Variants in GFPT2 observed in about 807,000 individuals in gnomAD.
The protein encoded by GFPT2 is glutamine--fructose-6-phosphate aminotransferase [isomerizing] 2.
GFPT2 carries 62 observed loss-of-function variants against 85.6 expected under a neutral mutation model. That is an observed-to-expected ratio of 0.72 (90% CI 0.59 to 0.90). The LOEUF (loss-of-function observed/expected upper bound fraction) is 0.90, where lower values mean the gene tolerates loss of function less well. Among genes scored for constraint, GFPT2 ranks in the 40% least tolerant of loss-of-function variants. GFPT2 has a pLI of 0.00. For missense variants in GFPT2, 788 were observed against 893.4 expected (o/e 0.88, Z 1.50); for synonymous variants, 368 against 344.5 (o/e 1.07, Z -0.75).
At chr5:180,326,689 A>G (rs1186562411) in intron 7 of GFPT2, among the ~76,000 whole-genome samples, 1 of 152,186 alleles carries the variant, frequency 6.6e-6, no homozygotes, top group East Asian at 1.9e-4. Flanking sequence ...AATAGTTTAT[A>G]ATAATGGCAG....
At chr5:180,314,194 G>A (rs1763958589) in intron 13 of GFPT2, among the ~76,000 whole-genome samples, 1 of 152,144 alleles carries the variant, frequency 6.6e-6, no homozygotes, top group African/African-American at 2.4e-5. Flanking sequence ...TGACAACCCC[G>A]TGAGGACCAT....
intron 1 of GFPT2, among the ~76,000 whole-genome samples, chr5:180,351,029 G>C (rs949779462): frequency 2.0e-5 from 3 of 152,212 alleles, no homozygotes; most frequent in South Asian, 4.1e-4. Context: ...GTTCTTTCTA[G>C]GAGCATCTTC....
rs76638498 is a variant in GFPT2 at position 180,343,559 on chromosome 5, T to C, written c.8-4959A>G. Reference sequence around the variant, plus strand: ...TGCGTAGTGACATCCCTTCGGTCACTTCTTTCATGAAGGAAGCTCTGTTTC... The same window carrying C: ...TGCGTAGTGACATCCCTTCGGTCACCTCTTTCATGAAGGAAGCTCTGTTTC... On this transcript the variant is annotated intron_variant, in intron 1 of 18. Transcript: ENST00000253778. 4.0e-3 allele frequency among the ~76,000 whole-genome samples: 603 copies of C among 152,376 alleles called. 23 individuals are homozygous for C. The South Asian group carries it at 0.095, about 24-fold the overall frequency.
In GFPT2 at chr5:180,341,254, A is replaced by G. The variant is rs78841630; in HGVS notation, c.8-2654T>C. Among the ~76,000 whole-genome samples the G allele has an allele frequency of 7.1e-3, 1,074 of 152,336 alleles. 6 individuals are homozygous for G. The highest frequency in any genetic ancestry group is 0.017 in the Middle Eastern group (5 of 294). On this transcript the variant is annotated intron_variant, in intron 1 of 18. Coordinates refer to ENST00000253778, the MANE Select transcript of GFPT2 (RefSeq NM_005110.4). ...CAACTATGTTTTGCTGGGATGAGAG[A>G]AAGGTCTGATCAGGATTGAAATTTT...
intron 10 of GFPT2, among the ~76,000 whole-genome samples, chr5:180,317,481 C>T (rs939897145): frequency 6.2e-5 from 9 of 145,572 alleles, no homozygotes; most frequent in African/African-American, 2.0e-4. Context: ...CTTTCCAGGC[C>T]GGGCGCAGTG....
At chr5:180,317,541 C>T (rs1257116864) in intron 10 of GFPT2, among the ~76,000 whole-genome samples, 6 of 145,198 alleles carry the variant, frequency 4.1e-5, no homozygotes, top group East Asian at 1.9e-4. Context: ...GGGCGGATCA[C>T]GAAGTCAGGA....
intron 9 of GFPT2, among the ~76,000 whole-genome samples, chr5:180,320,376 A>G (rs1764095987): frequency 6.6e-6 from 1 of 152,248 alleles, no homozygotes; most frequent in African/African-American, 2.4e-5. Context: ...AGTATCTTTT[A>G]AAATCATTTT....
chr5:180,310,349 C>T (rs1763855419), intron 15 of GFPT2, among the ~76,000 whole-genome samples: 1 of 151,630 alleles, frequency 6.6e-6, no homozygotes, highest in African/African-American at 2.4e-5. Context: ...GCGATCTGCC[C>T]ACCTCGGCCT....
Position 180,304,727 on chromosome 5 carries a change from G to C in GFPT2, c.1842+45C>G, listed in dbSNP as rs199748661. On this transcript the variant is annotated intron_variant, in intron 17 of 18. Coordinates refer to ENST00000253778, the MANE Select transcript of GFPT2 (RefSeq NM_005110.4). Reference sequence around the variant, plus strand: ...ACAGTGGTGAGGTGGGCATGCATGGGGAAAAGCAGGAGAGAGCTGGCCCAG... The same window carrying C: ...ACAGTGGTGAGGTGGGCATGCATGGCGAAAAGCAGGAGAGAGCTGGCCCAG... The C allele has an allele frequency of 2.7e-3, 4,206 of 1,553,828 alleles. 14 individuals are homozygous for C. Among genetic ancestry groups the C allele is most frequent in the South Asian group, 4.5e-3 (399 of 87,878 alleles).
intron 13 of GFPT2, among the ~76,000 whole-genome samples, chr5:180,315,382 G>T (rs1210461852): frequency 6.6e-6 from 1 of 152,122 alleles, no homozygotes; most frequent in East Asian, 1.9e-4. Flanking sequence ...GTTTCACTGT[G>T]TGAGCCAGGA....
intron 1 of GFPT2, among the ~76,000 whole-genome samples, chr5:180,345,032 C>G (rs747168236): frequency 1.3e-5 from 2 of 152,264 alleles, no homozygotes; most frequent in East Asian, 3.9e-4. Flanking sequence ...CCCAGCTCCA[C>G]CCCTTGATTT....
At chr5:180,313,498 G>T (rs1352140688) in intron 14 of GFPT2, among the ~76,000 whole-genome samples, 2 of 151,412 alleles carry the variant, frequency 1.3e-5, no homozygotes, top group Non-Finnish European at 2.9e-5. Context: ...GCTGAGGCAG[G>T]AGAATGGCGT....
intron 10 of GFPT2, among the ~76,000 whole-genome samples, chr5:180,317,588 T>G (rs536843685): frequency 1.4e-5 from 2 of 145,782 alleles, no homozygotes; most frequent in East Asian, 3.9e-4. Flanking sequence ...TGAAACCCCG[T>G]CTCTACTAAA....
chr5:180,307,846 C>G (rs1339277585), intron 15 of GFPT2, among the ~76,000 whole-genome samples: 1 of 152,264 alleles, frequency 6.6e-6, no homozygotes, highest in African/African-American at 2.4e-5. Context: ...GGCGTGGTGG[C>G]TCACGCCTGT....
In GFPT2 at chr5:180,316,966, T is replaced by G. The variant is rs1229246957; in HGVS notation, c.1051A>C (p.Thr351Pro). The G allele has an allele frequency of 6.3e-7, 1 of 1,597,438 alleles. No individual in the cohort carries two copies. The highest frequency in any genetic ancestry group is 8.6e-7 in the Non-Finnish European group (1 of 1,164,724). The change falls in exon 11 of 19, where the codon ACA (threonine) becomes CCA (proline). Residue 351 changes from threonine (T) to proline (P), a missense_variant. By Grantham distance (38) the Thr-to-Pro change is conservative (BLOSUM62 -1). Transcript: ENST00000253778. The stretch of plus-strand genomic sequence containing the variant: ...CCCCACCGAGTGTAGGAATTACCTG[T>G]GTTGGTTTCAAAATTCACCCGACCT... Reference protein sequence around the residue: ...MRGRVNFETNTVLLGGLKDHL... With the variant: ...MRGRVNFETNPVLLGGLKDHL...
chr5:180,326,760 T>C (rs1273933308), intron 7 of GFPT2, among the ~76,000 whole-genome samples: 1 of 152,234 alleles, frequency 6.6e-6, no homozygotes, highest in African/African-American at 2.4e-5. Flanking sequence ...TTTATTGCTG[T>C]AGGTTGAGCT....
At position 180,316,946 on chromosome 5, in the gene GFPT2, C is replaced by G; in HGVS notation, c.1054+17G>C. On this transcript the variant is annotated intron_variant, in intron 11 of 18. Transcript: ENST00000253778. ...ACTAGGCTCGGGCGGAGGCTCCCCACCGAGTGTAGGAATTACCTGTGTTGG... is the reference window on the plus strand; with the variant it reads ...ACTAGGCTCGGGCGGAGGCTCCCCAGCGAGTGTAGGAATTACCTGTGTTGG... The G allele has an allele frequency of 6.4e-7, 1 of 1,572,368 alleles. No homozygotes were observed.
At chr5:180,312,178 GCTGAGGAC>G (rs1283416592) in intron 15 of GFPT2, among the ~76,000 whole-genome samples, 17 of 95,168 alleles carry the variant, frequency 1.8e-4, no homozygotes, top group South Asian at 3.8e-4. Flanking sequence ...AGGCAGGGAG[GCTGAGGAC>G]CAGGGAGGCG....
In GFPT2 at chr5:180,313,907, G is replaced by A; in HGVS notation, c.1331C>T (p.Thr444Ile). 1.2e-6 allele frequency: 2 copies of A among 1,606,676 alleles called. No individual in the cohort carries two copies. Among genetic ancestry groups the A allele is most frequent in the Non-Finnish European group, 1.7e-6 (2 of 1,179,482 alleles). ...LRYCKDRGAL[T>I]VGVTNTVGSS... ...GCCCACGGTGTTGGTGACGCCCACGGTGAGAGCGCCGCGGTCCTTACAGTA... is the reference window on the plus strand; with the variant it reads ...GCCCACGGTGTTGGTGACGCCCACGATGAGAGCGCCGCGGTCCTTACAGTA... Residue 444 changes from threonine (T) to isoleucine (I), a missense_variant, in exon 14 of 19, where the codon ACC (threonine) becomes ATC (isoleucine). Thr to Ile is a moderately conservative substitution (Grantham distance 89, BLOSUM62 -1). Transcript: ENST00000253778.
Sources: gnomAD v4.1 joint callset for allele counts (sites outside exome capture counted in the v4.1 genomes callset) on GRCh38, gnomAD v4.1.1 for gene constraint, MANE v1.5 for transcripts, NCBI Gene and HGNC (gene_info 2026-07-23, HGNC 2026-07-21) for gene names.